NYAP2: variants seen among roughly 807,000 people sequenced by gnomAD.
NYAP2 encodes the protein neuronal tyrosine-phosphorylated phosphoinositide-3-kinase adaptor 2, also known as neuronal tyrosine-phosphorylated phosphoinositide-3-kinase adapter 2.
NYAP2 carries 23 observed loss-of-function variants against 50.4 expected under a neutral mutation model. The ratio of observed to expected loss-of-function variants is 0.46; its 90% CI spans 0.33 to 0.65. The LOEUF is 0.65. Ranked by LOEUF, NYAP2 falls within the 30% of genes least tolerant of loss-of-function variation. NYAP2 has a pLI of 0.02. For synonymous variants in NYAP2, 394 were observed against 365.2 expected (o/e 1.08, Z -0.90); for missense variants, 885 against 861.0 (o/e 1.03, Z -0.35).
chr2:225,599,598 C>T (rs1263984177), intron 5 of NYAP2, among the ~76,000 whole-genome samples: 1 of 152,194 alleles, frequency 6.6e-6, no homozygotes, highest in South Asian at 2.1e-4. Context: ...AATGTGAAAC[C>T]CTGACCCTTG....
At chr2:225,598,456 C>G in intron 5 of NYAP2, among the ~76,000 whole-genome samples, 1 of 152,174 alleles carries the variant, frequency 6.6e-6, no homozygotes, top group South Asian at 2.1e-4. Flanking sequence ...GGATGGAAGA[C>G]TGTTAAAAAA....
chr2:225,509,648 A>G (rs1690774656), intron 3 of NYAP2, among the ~76,000 whole-genome samples: 1 of 152,186 alleles, frequency 6.6e-6, no homozygotes, highest in Admixed American at 6.5e-5. Context: ...TTGTTGTTCA[A>G]TGGGACACTT....
intron 5 of NYAP2, among the ~76,000 whole-genome samples, chr2:225,612,069 G>A (rs1045840215): frequency 1.3e-5 from 2 of 148,486 alleles, no homozygotes; most frequent in African/African-American, 2.5e-5. Context: ...ATATATCTTA[G>A]TAACTGTGGT....
chr2:225,545,140 G>C (rs757630540), intron 4 of NYAP2, among the ~76,000 whole-genome samples: 20 of 152,084 alleles, frequency 1.3e-4, no homozygotes, highest in Non-Finnish European at 2.6e-4. Context: ...ACCTTTGGAA[G>C]TTCGCTTTTA....
intron 4 of NYAP2, among the ~76,000 whole-genome samples, chr2:225,538,822 CTTTCTTTCTTTCTTTCTTTCTTTCT>C (rs1559208704): frequency 2.8e-5 from 2 of 72,190 alleles, no homozygotes; most frequent in Admixed American, 1.4e-4. Context: ...TTCTTTCTTT[CTTTCTTTCTTTCTTTCTTTCTTTCT>C]TTGTTTTTAT....
At chr2:225,461,600 T>C (rs1303282527) in intron 3 of NYAP2, among the ~76,000 whole-genome samples, 1 of 152,246 alleles carries the variant, frequency 6.6e-6, no homozygotes, top group East Asian at 1.9e-4. Flanking sequence ...TCCTACTTTT[T>C]GCTTCATAGC....
intron 5 of NYAP2, among the ~76,000 whole-genome samples, chr2:225,603,666 T>G (rs2106243311): frequency 6.6e-6 from 1 of 152,248 alleles, no homozygotes; most frequent in Middle Eastern, 3.4e-3. Context: ...CTCAATGATT[T>G]TTTTGGGTTC....
intron 3 of NYAP2, among the ~76,000 whole-genome samples, chr2:225,417,126 C>T (rs753882328): frequency 6.6e-6 from 1 of 151,948 alleles, no homozygotes; most frequent in African/African-American, 2.4e-5. Context: ...CCAAAGAACC[C>T]GTAAGAGAAA....
At chr2:225,683,767 G>A in the NYAP2 span, among the ~76,000 whole-genome samples, 2 of 152,128 alleles carry the variant, frequency 1.3e-5, no homozygotes, top group African/African-American at 2.4e-5. Context: ...AAATATAAAA[G>A]CAGCAAGGAA....
chr2:225,555,405 T>C (rs1436361505), intron 4 of NYAP2, among the ~76,000 whole-genome samples: 1 of 152,232 alleles, frequency 6.6e-6, no homozygotes, highest in Non-Finnish European at 1.5e-5. Flanking sequence ...AGACTGTTTT[T>C]TTTAGAGTTG....
chr2:225,538,846 C>CTTTT (rs1559208736), intron 4 of NYAP2, among the ~76,000 whole-genome samples: 2 of 50,560 alleles, frequency 4.0e-5, no homozygotes, highest in Admixed American at 2.0e-4. Flanking sequence ...TTCTTTCTTT[C>CTTTT]TTTGTTTTTA....
intron 5 of NYAP2, among the ~76,000 whole-genome samples, chr2:225,621,874 G>T (rs1373795893): frequency 5.3e-5 from 8 of 152,082 alleles, no homozygotes; most frequent in African/African-American, 1.9e-4. Context: ...ATGTGCCAGA[G>T]TTCCTTTTTT....
chr2:225,646,592 G>T (rs1559239501), intron 6 of NYAP2, among the ~76,000 whole-genome samples: 1 of 152,156 alleles, frequency 6.6e-6, no homozygotes, highest in East Asian at 1.9e-4. Flanking sequence ...AAGCAGCAGT[G>T]TTATGGACTG....
chr2:225,693,552 C>T, the NYAP2 span, among the ~76,000 whole-genome samples: 2 of 152,024 alleles, frequency 1.3e-5, no homozygotes, highest in African/African-American at 4.8e-5. Flanking sequence ...AGTTATTTTT[C>T]ACCGTTCTGG....
At chr2:225,479,781 G>A (rs1159925900) in intron 3 of NYAP2, among the ~76,000 whole-genome samples, 1 of 152,006 alleles carries the variant, frequency 6.6e-6, no homozygotes, top group Admixed American at 6.6e-5. Context: ...TAGCTAAATT[G>A]TTAGGATAGG....
intron 6 of NYAP2, among the ~76,000 whole-genome samples, chr2:225,643,185 C>T (rs773863309): frequency 4.6e-5 from 7 of 151,972 alleles, no homozygotes; most frequent in Non-Finnish European, 1.0e-4. Flanking sequence ...AAAAATCCCC[C>T]GAGAGTTTGT....
At position 225,651,428 on chromosome 2, in the gene NYAP2, C is replaced by T; in HGVS notation, c.1829-4C>T. ...ATATTGTGTCTTTTTCCGCTTGTTT[C>T]CAGAGCCTAAAGTAAGCTGCAAATT... On this transcript the variant is annotated splice_polypyrimidine_tract_variant and splice_region_variant and intron_variant, in intron 6 of 6. Coordinates refer to ENST00000636099, the Ensembl canonical transcript of NYAP2. The T allele has an allele frequency of 6.2e-7, 1 of 1,613,950 alleles. No individual in the cohort carries two copies. The highest frequency in any genetic ancestry group is 8.5e-7 in the Non-Finnish European group (1 of 1,179,856).
the NYAP2 span, among the ~76,000 whole-genome samples, chr2:225,664,104 A>G: frequency 6.6e-6 from 1 of 152,200 alleles, no homozygotes; most frequent in Non-Finnish European, 1.5e-5. Flanking sequence ...GAGGAACTCT[A>G]TTACACAGTA....
chr2:225,506,888 C>T (rs1690716908), intron 3 of NYAP2, among the ~76,000 whole-genome samples: 1 of 151,896 alleles, frequency 6.6e-6, no homozygotes, highest in African/African-American at 2.4e-5. Context: ...TGTGCCCTTT[C>T]CCTGATACTA....
Sources: allele counts gnomAD v4.1 joint callset (sites outside exome capture counted in the v4.1 genomes callset), GRCh38; gene constraint gnomAD v4.1.1; transcripts MANE v1.5; gene names NCBI Gene and HGNC (gene_info 2026-07-23, HGNC 2026-07-21).